The following GALNTL6 variants were observed in gnomAD, a reference collection of about 807,000 sequenced individuals.
The protein encoded by GALNTL6 is polypeptide N-acetylgalactosaminyltransferase-like 6.
A neutral mutation model predicts 73.7 loss-of-function variants in GALNTL6; 46 were observed. The observed-to-expected ratio is 0.62, with a 90% CI of 0.49 to 0.80. The LOEUF (loss-of-function observed/expected upper bound fraction) is 0.80, where lower values mean the gene tolerates loss of function less well. Ranked by LOEUF, GALNTL6 falls within the 30% of genes least tolerant of loss-of-function variation. The pLI is 0.00. For synonymous variants in GALNTL6, 259 were observed against 263.7 expected (o/e 0.98, Z 0.17); for missense variants, 604 against 755.0 (o/e 0.80, Z 2.34).
intron 5 of GALNTL6, among the ~76,000 whole-genome samples, chr4:172,635,133 A>G (rs1251153650): frequency 6.6e-6 from 1 of 152,184 alleles, no homozygotes; most frequent in Non-Finnish European, 1.5e-5. Context: ...TCAGTATCAC[A>G]CTTTAGAATA....
intron 5 of GALNTL6, among the ~76,000 whole-genome samples, chr4:172,433,984 C>A (rs1339804006): frequency 6.6e-6 from 1 of 152,052 alleles, no homozygotes; most frequent in African/African-American, 2.4e-5. Context: ...CAGATAAGCT[C>A]TGTAATCTTC....
At chr4:171,814,793 G>A in intron 2 of GALNTL6, 75 bp downstream of exon 2, 4 of 1,488,598 alleles carry the variant, frequency 2.7e-6, no homozygotes, top group Non-Finnish European at 2.8e-6. Flanking sequence ...CGAGAAAGCC[G>A]GTGTGGGATC....
chr4:172,774,665 A>T (rs67360313), intron 5 of GALNTL6, among the ~76,000 whole-genome samples: 18,646 of 152,084 alleles, frequency 0.12, 1,350 homozygotes, highest in Middle Eastern at 0.24. Flanking sequence ...GTATTTTTTT[A>T]AAATGATCCA....
chr4:172,802,164 C>T (rs1740685775), intron 5 of GALNTL6, among the ~76,000 whole-genome samples: 2 of 152,128 alleles, frequency 1.3e-5, no homozygotes, highest in South Asian at 4.1e-4. Context: ...TCCCATAAAT[C>T]TGTAGTTATG....
chr4:172,351,065 G>T (rs1561040436), intron 5 of GALNTL6, among the ~76,000 whole-genome samples: 1 of 152,066 alleles, frequency 6.6e-6, no homozygotes, highest in Non-Finnish European at 1.5e-5. Flanking sequence ...GAGAGCGATT[G>T]CTCTCAGCTA....
chr4:172,421,250 G>C (rs1047027675), intron 5 of GALNTL6, among the ~76,000 whole-genome samples: 3 of 152,020 alleles, frequency 2.0e-5, no homozygotes, highest in African/African-American at 7.2e-5. Flanking sequence ...GAATACATTT[G>C]CCTCTAAATT....
chr4:172,121,832 G>T, intron 2 of GALNTL6, among the ~76,000 whole-genome samples: 1 of 151,840 alleles, frequency 6.6e-6, no homozygotes, highest in South Asian at 2.1e-4. Context: ...AAATTAAAAA[G>T]AAAAATACAA....
chr4:172,662,857 G>A (rs1403038286), intron 5 of GALNTL6, among the ~76,000 whole-genome samples: 2 of 152,202 alleles, frequency 1.3e-5, no homozygotes, highest in African/African-American at 2.4e-5. Context: ...AGATTAGACA[G>A]GGGATGATAA....
chr4:172,258,261 T>C (rs1222714198), intron 3 of GALNTL6, among the ~76,000 whole-genome samples: 1 of 151,300 alleles, frequency 6.6e-6, no homozygotes, highest in African/African-American at 2.4e-5. Context: ...CTTTATATTG[T>C]TGCTTTGGGG....
chr4:172,661,250 C>T (rs1202527983), intron 5 of GALNTL6, among the ~76,000 whole-genome samples: 9 of 152,142 alleles, frequency 5.9e-5, no homozygotes, highest in South Asian at 2.1e-4. Context: ...CCCCCTACCC[C>T]ACAAGAAGAA....
chr4:172,760,015 T>C (rs553060550), intron 5 of GALNTL6, among the ~76,000 whole-genome samples: 22 of 151,216 alleles, frequency 1.5e-4, no homozygotes, highest in African/African-American at 5.1e-4. Flanking sequence ...TTTTTGTATT[T>C]TTAGTAGAGA....
In GALNTL6 at chr4:172,601,711, C is replaced by T. The variant is rs141672842; in HGVS notation, c.554-207650C>T. Among the ~76,000 whole-genome samples, 30 of 152,138 alleles carry T rather than the reference C, an allele frequency of 2.0e-4. No individual in the cohort carries two copies. The East Asian group carries it at 5.6e-3, about 28-fold the overall frequency. ...AGTTTCAGGTATTCTTTTATAACAA[C>T]ACAAAATGAACTAATACATTAGAGA... On this transcript the variant is annotated intron_variant, in intron 5 of 12. Coordinates refer to ENST00000506823, the MANE Select transcript of GALNTL6 (RefSeq NM_001034845.3).
At chr4:171,867,782 A>C (rs1290358616) in intron 2 of GALNTL6, among the ~76,000 whole-genome samples, 1 of 152,194 alleles carries the variant, frequency 6.6e-6, no homozygotes, top group East Asian at 1.9e-4. Context: ...TGATGAAATT[A>C]ATAAAATTCT....
At position 172,474,752 on chromosome 4, in the gene GALNTL6, C is replaced by T. The variant is rs368282209; in HGVS notation, c.553+126063C>T. 3.9e-5 allele frequency among the ~76,000 whole-genome samples: 6 copies of T among 152,112 alleles called. No individual in the cohort carries two copies. In the East Asian group the frequency reaches 9.6e-4, roughly 24 times the overall value. On this transcript the variant is annotated intron_variant, in intron 5 of 12. Coordinates refer to ENST00000506823, the MANE Select transcript of GALNTL6 (RefSeq NM_001034845.3). Reference sequence around the variant, plus strand: ...AATAGTTCTTGTTTTATATTATTCTCTTGATTCTCTTGGAATGAATGAAAG... The same window carrying T: ...AATAGTTCTTGTTTTATATTATTCTTTTGATTCTCTTGGAATGAATGAAAG...
At chr4:171,843,375 T>C (rs1236472000) in intron 2 of GALNTL6, among the ~76,000 whole-genome samples, 1 of 152,144 alleles carries the variant, frequency 6.6e-6, no homozygotes, top group African/African-American at 2.4e-5. Context: ...CAATACTCTG[T>C]TATTGATATG....
intron 3 of GALNTL6, among the ~76,000 whole-genome samples, chr4:172,252,868 G>A (rs1737931112): frequency 1.3e-5 from 2 of 151,738 alleles, no homozygotes; most frequent in South Asian, 4.2e-4. Flanking sequence ...GCCAGAAATA[G>A]GATAGCAATG....
At chr4:172,480,937 C>T (rs975772627) in intron 5 of GALNTL6, among the ~76,000 whole-genome samples, 1 of 152,164 alleles carries the variant, frequency 6.6e-6, no homozygotes, top group Non-Finnish European at 1.5e-5. Flanking sequence ...GGCCTGGACT[C>T]TCGGAAGTGG....
At position 171,898,082 on chromosome 4, in the gene GALNTL6, A is replaced by G. The variant is rs149915826; in HGVS notation, c.138+83364A>G. 4.7e-3 allele frequency among the ~76,000 whole-genome samples: 722 copies of G among 152,266 alleles called. 1 individual carries two copies. The highest frequency in any genetic ancestry group is 0.01 in the South Asian group (50 of 4,822). ...AATGGGTAAAAGTTTTGAATGTGAC[A>G]TTTGACAAAAGATATATGAAAGGCA... is the stretch of plus-strand genomic sequence containing the variant. On this transcript the variant is annotated intron_variant, in intron 2 of 12. Coordinates refer to ENST00000506823, the MANE Select transcript of GALNTL6 (RefSeq NM_001034845.3).
chr4:172,977,007 C>T (rs542847397), intron 10 of GALNTL6, among the ~76,000 whole-genome samples: 40 of 152,192 alleles, frequency 2.6e-4, no homozygotes, highest in Non-Finnish European at 5.4e-4. Context: ...ATCAAATGTT[C>T]ATTGGAAACC....
Sources: gnomAD v4.1 joint callset for allele counts (sites outside exome capture counted in the v4.1 genomes callset) on GRCh38, gnomAD v4.1.1 for gene constraint, MANE v1.5 for transcripts, NCBI Gene and HGNC (gene_info 2026-07-23, HGNC 2026-07-21) for gene names.